Variants in NEBL observed in about 807,000 individuals in gnomAD.
NEBL encodes LIM and SH3 protein 2.
NEBL carries 122 observed loss-of-function variants against 140.2 expected under a neutral mutation model. That is an observed-to-expected ratio of 0.87 (90% CI 0.75 to 1.01). The LOEUF (loss-of-function observed/expected upper bound fraction) is 1.01. Ranked by LOEUF, NEBL falls within the 50% of genes least tolerant of loss-of-function variation. The probability of loss-of-function intolerance (pLI) is 0.00; values close to 1 mark genes in which losing one functional copy is unlikely to be tolerated. For missense variants in NEBL, 1,365 were observed against 1,231.3 expected, an observed-to-expected ratio of 1.11 and a Z score of -1.62; for synonymous variants, 436 against 398.9, an observed-to-expected ratio of 1.09 and a Z score of -1.11.
chr10:21,188,002 C>T (rs1046118180), intron 3 of NEBL, among the ~76,000 whole-genome samples: 3 of 152,050 alleles, frequency 2.0e-5, no homozygotes, highest in Admixed American at 1.3e-4. Flanking sequence ...GTTTCTCTCT[C>T]GGGCTTGTCT....
intron 3 of NEBL, among the ~76,000 whole-genome samples, chr10:20,989,309 T>C (rs774522960): frequency 1.4e-4 from 22 of 152,324 alleles, no homozygotes; most frequent in Non-Finnish European, 2.5e-4. Context: ...GTTTTTGTTT[T>C]TGGAGGAAAT....
intron 5 of NEBL, among the ~76,000 whole-genome samples, chr10:20,877,235 A>C (rs976303584): frequency 6.6e-6 from 1 of 152,196 alleles, no homozygotes; most frequent in Non-Finnish European, 1.5e-5. Context: ...ACTTGTGAGA[A>C]TCTTCAGAGG....
At chr10:21,029,165 A>T in intron 2 of NEBL, 4 of 1,342,146 alleles carry the variant, frequency 3.0e-6, no homozygotes, top group Non-Finnish European at 4.3e-6. Context: ...ACGATTTGAC[A>T]CAGTAATGAT....
At chr10:21,158,911 C>T (rs1334138431) in intron 2 of NEBL, among the ~76,000 whole-genome samples, 1 of 152,134 alleles carries the variant, frequency 6.6e-6, no homozygotes, top group Non-Finnish European at 1.5e-5. Context: ...GCCAGGGTTC[C>T]ACTTTTTTCT....
In NEBL at chr10:20,880,709, GTTTAAATTT is replaced by G. The variant is rs1845938695; in HGVS notation, c.480+76_480+84del. On this transcript the variant is annotated intron_variant, in intron 5 of 27. Coordinates refer to ENST00000377122, the MANE Select transcript of NEBL (RefSeq NM_006393.3). ...CTTTTTTGAACAGGGCTGTTGTAAT[GTTTAAATTT>G]CAGCAAAATAAACATAAGCCCTAAT... 5.9e-6 allele frequency: 6 copies of G among 1,018,830 alleles called. No homozygotes were observed. In the Admixed American group the frequency reaches 1.0e-4, roughly 17 times the overall value. 63.1% of individuals were successfully genotyped at this position (1,018,830 alleles called of 1,614,324 possible).
chr10:21,069,800 G>A (rs984945621), intron 2 of NEBL, among the ~76,000 whole-genome samples: 1 of 152,032 alleles, frequency 6.6e-6, no homozygotes, highest in Admixed American at 6.6e-5. Context: ...CATTATTATT[G>A]TATTCATCTG....
chr10:21,173,435 C>T lies in NEBL; in HGVS notation c.69+330G>A, dbSNP rs1033793997. On this transcript the variant is annotated intron_variant, in intron 1 of 6. Coordinates refer to the NEBL transcript ENST00000417816. This position sits in a 1 kb window ranked among gnomAD's most constrained non-coding sequence, Gnocchi z 5.7. ...AACACGAGTGGAGGTGGAGGGGGCG[C>T]GGCTCGCCGAAGTGCCCCCCTGGGT... Among the ~76,000 whole-genome samples, 1 of 151,958 alleles carries T rather than the reference C, an allele frequency of 6.6e-6. No homozygotes were observed. The highest frequency in any genetic ancestry group is 1.5e-5 in the Non-Finnish European group (1 of 67,982).
intron 3 of NEBL, among the ~76,000 whole-genome samples, chr10:21,219,215 A>G (rs1427683352): frequency 6.6e-6 from 1 of 152,228 alleles, no homozygotes; most frequent in African/African-American, 2.4e-5. Context: ...TTAGGAATAA[A>G]GTGAGAAAAG....
At chr10:20,875,767 G>T (rs1845442541) in intron 5 of NEBL, among the ~76,000 whole-genome samples, 2 of 152,018 alleles carry the variant, frequency 1.3e-5, no homozygotes, top group South Asian at 4.1e-4. Flanking sequence ...TCTAAAGTCT[G>T]CATGGGCAGA....
intron 3 of NEBL, among the ~76,000 whole-genome samples, chr10:20,978,412 T>G (rs1271571003): frequency 3.3e-5 from 5 of 149,574 alleles, no homozygotes; most frequent in Admixed American, 2.0e-4. Context: ...CTCAGTAAAA[T>G]TAACAAGAAA....
At chr10:21,233,666 A>T (rs1842298209) in intron 3 of NEBL, among the ~76,000 whole-genome samples, 2 of 144,848 alleles carry the variant, frequency 1.4e-5, no homozygotes, top group African/African-American at 5.0e-5. Context: ...ATATAGATAT[A>T]TATCTATATA....
chr10:20,834,110 C>G (rs1840667596), intron 14 of NEBL, among the ~76,000 whole-genome samples: 1 of 152,030 alleles, frequency 6.6e-6, no homozygotes, highest in Non-Finnish European at 1.5e-5. Context: ...TTACAGAACA[C>G]TTAATTTTTC....
intron 3 of NEBL, among the ~76,000 whole-genome samples, chr10:21,195,387 T>C (rs1309959775): frequency 1.3e-5 from 2 of 152,218 alleles, no homozygotes. Context: ...AATCTTCAAG[T>C]TGTCAGGGTG....
chr10:20,862,892 C>G (rs1843865198), intron 7 of NEBL, among the ~76,000 whole-genome samples: 1 of 151,860 alleles, frequency 6.6e-6, no homozygotes, highest in South Asian at 2.1e-4. Flanking sequence ...TATTTTTAAT[C>G]TCTGTGGGTA....
intron 18 of NEBL, among the ~76,000 whole-genome samples, chr10:20,826,035 T>G (rs2130870583): frequency 6.6e-6 from 1 of 152,336 alleles, no homozygotes; most frequent in Non-Finnish European, 1.5e-5. Context: ...TTTTCAAATC[T>G]AATCCTTCAC....
intron 23 of NEBL, 84 bp from the exon 24 acceptor site, chr10:20,813,024 G>T (rs557900758): frequency 1.8e-6 from 2 of 1,135,946 alleles, no homozygotes; most frequent in African/African-American, 1.5e-5. Flanking sequence ...GGTGTACACT[G>T]CACTGGCTGC....
rs111517338 is a variant in NEBL at position 20,796,751 on chromosome 10, A to T, written c.2762-9443T>A. 5.7e-3 allele frequency among the ~76,000 whole-genome samples: 870 copies of T among 152,236 alleles called. 4 individuals are homozygous for T. The highest frequency in any genetic ancestry group is 9.3e-3 in the Non-Finnish European group (633 of 68,026). On this transcript the variant is annotated intron_variant, in intron 26 of 27. Transcript: ENST00000377122. ...ATTTGTTTCTCATTTTATCTCTCTT[A>T]GGATAAACTCTGCAAGTTGTAACTA...
At chr10:20,925,362 G>C (rs574155593) in intron 4 of NEBL, among the ~76,000 whole-genome samples, 1 of 152,212 alleles carries the variant, frequency 6.6e-6, no homozygotes, top group East Asian at 1.9e-4. Context: ...TGGCTCCTAG[G>C]AATACTCTGA....
rs182633329 is a variant in NEBL, at chr10:21,033,348, C to A, written c.165-13147G>T. 2.4e-3 allele frequency among the ~76,000 whole-genome samples: 364 copies of A among 152,222 alleles called. 1 individual carries two copies. Among genetic ancestry groups the A allele is most frequent in the African/African-American group, 8.5e-3 (353 of 41,510 alleles). On this transcript the variant is annotated intron_variant, in intron 2 of 6. Coordinates refer to the NEBL transcript ENST00000417816. Reference sequence around the variant, plus strand: ...TAATAAATAAGTATCATACCTATAGCAAATGTGCAATATGAACAAAAATAA... The same window carrying A: ...TAATAAATAAGTATCATACCTATAGAAAATGTGCAATATGAACAAAAATAA...
Sources: allele counts gnomAD v4.1 joint callset (sites outside exome capture counted in the v4.1 genomes callset), GRCh38; gene constraint gnomAD v4.1.1; non-coding constraint Gnocchi (gnomAD v3.1); transcripts MANE v1.5; gene names NCBI Gene and HGNC (gene_info 2026-07-23, HGNC 2026-07-21).